Variants in ZNF407 observed in about 807,000 individuals in gnomAD.
ZNF407 encodes the protein zinc finger protein 407.
ZNF407 carries 17 observed loss-of-function variants against 131.2 expected under a neutral mutation model. That is an observed-to-expected ratio of 0.13 (90% CI 0.09 to 0.19). ZNF407 has a LOEUF of 0.19. ZNF407 is among the 10% of genes least tolerant of loss of function. ZNF407 has a pLI of 1.00. For missense variants in ZNF407, 2,681 were observed against 2,830.6 expected (o/e 0.95, Z 1.20); for synonymous variants, 1,156 against 1,062.0 (o/e 1.09, Z -1.72).
intron 3 of ZNF407, among the ~76,000 whole-genome samples, chr18:74,675,677 T>G (rs1986325953): frequency 6.6e-6 from 1 of 152,230 alleles, no homozygotes; most frequent in Admixed American, 6.5e-5. Context: ...CGCTGTTAGC[T>G]TTGAAGTTAT....
chr18:74,968,863 T>C (rs1259365712), intron 8 of ZNF407, among the ~76,000 whole-genome samples: 1 of 152,196 alleles, frequency 6.6e-6, no homozygotes, highest in Non-Finnish European at 1.5e-5. Flanking sequence ...CTTTTTTTGG[T>C]GCAGCCCCTC....
At chr18:74,738,351 C>T (rs570702166) in intron 3 of ZNF407, among the ~76,000 whole-genome samples, 12 of 133,228 alleles carry the variant, frequency 9.0e-5, no homozygotes, top group Admixed American at 2.6e-4. Context: ...ACCCGGGAGG[C>T]GGAGGCTGCA....
At chr18:75,062,800 G>A (rs898300631) in intron 8 of ZNF407, 3 of 194,482 alleles carry the variant, frequency 1.5e-5, no homozygotes, top group African/African-American at 4.7e-5. Flanking sequence ...GTGACGGAAC[G>A]CATTGTTACA....
intron 8 of ZNF407, among the ~76,000 whole-genome samples, chr18:75,014,288 G>T: frequency 6.6e-6 from 1 of 151,740 alleles, no homozygotes; most frequent in Non-Finnish European, 1.5e-5. Flanking sequence ...TTTTTTATGG[G>T]GTTTGGTGTT....
chr18:74,892,408 G>A (rs1971397689), intron 7 of ZNF407, among the ~76,000 whole-genome samples: 1 of 152,152 alleles, frequency 6.6e-6, no homozygotes, highest in Non-Finnish European at 1.5e-5. Flanking sequence ...GTAAATATTA[G>A]GTGAGAAGCA....
chr18:74,854,140 C>T (rs1970827180), intron 4 of ZNF407, among the ~76,000 whole-genome samples: 1 of 152,114 alleles, frequency 6.6e-6, no homozygotes, highest in Admixed American at 6.5e-5. Flanking sequence ...AGTATCCACC[C>T]CTGGGGACAG....
At chr18:74,906,780 T>C (rs542000965) in intron 7 of ZNF407, among the ~76,000 whole-genome samples, 8 of 146,528 alleles carry the variant, frequency 5.5e-5, no homozygotes, top group African/African-American at 1.7e-4. Context: ...TGTGTATATA[T>C]TTTATATGTG....
chr18:74,949,571 G>C (rs939111515), intron 8 of ZNF407, among the ~76,000 whole-genome samples: 14 of 152,174 alleles, frequency 9.2e-5, no homozygotes, highest in African/African-American at 2.7e-4. Context: ...ATCCCTGTTA[G>C]TAAAATATCA....
intron 3 of ZNF407, among the ~76,000 whole-genome samples, chr18:74,745,395 A>AT (rs1968645380): frequency 6.6e-6 from 1 of 152,024 alleles, no homozygotes; most frequent in Admixed American, 6.5e-5. Flanking sequence ...AATATTCTCA[A>AT]TCTCACCTGA....
At chr18:74,864,234 C>T (rs1360550556) in intron 4 of ZNF407, among the ~76,000 whole-genome samples, 1 of 152,136 alleles carries the variant, frequency 6.6e-6, no homozygotes, top group Non-Finnish European at 1.5e-5. Flanking sequence ...TGGTAACATG[C>T]CTTCAGAAGT....
intron 8 of ZNF407, among the ~76,000 whole-genome samples, chr18:74,948,952 A>G (rs1972184257): frequency 6.6e-6 from 1 of 152,208 alleles, no homozygotes; most frequent in African/African-American, 2.4e-5. Context: ...TAGACAGCAC[A>G]CTAGTGTGTA....
rs187001584 is a variant in ZNF407 at position 74,844,719 on chromosome 18, C to T, written c.4878-32478C>T. 2.1e-3 allele frequency among the ~76,000 whole-genome samples: 324 copies of T among 152,018 alleles called. 1 individual carries two copies. The highest frequency in any genetic ancestry group is 3.3e-3 in the Non-Finnish European group (224 of 67,986). On this transcript the variant is annotated intron_variant, in intron 4 of 8. Transcript: ENST00000299687. ...TGCAGAATTATATATTTAGAGTCAT[C>T]AAAACGGGGAAACACCATGAGAAAA...
At chr18:74,941,544 T>C (rs954561075) in intron 8 of ZNF407, among the ~76,000 whole-genome samples, 1 of 152,186 alleles carries the variant, frequency 6.6e-6, no homozygotes. Flanking sequence ...TGTACTATAA[T>C]GGGTTGCTAA....
intron 7 of ZNF407, among the ~76,000 whole-genome samples, chr18:74,915,086 C>A (rs1971728989): frequency 6.6e-6 from 1 of 152,076 alleles, no homozygotes; most frequent in South Asian, 2.1e-4. Context: ...TAGGGAAACA[C>A]CAAGATACAT....
At position 74,786,793 on chromosome 18, in the gene ZNF407, GT is replaced by G. The variant is rs869103622; in HGVS notation, c.4877+5319del. Among the ~76,000 whole-genome samples the G allele has an allele frequency of 6.3e-3, 560 of 89,116 alleles. 1 individual carries two copies. The highest frequency in any genetic ancestry group is 0.019 in the African/African-American group (426 of 22,216). The allele number at this position is 89,116 out of a possible 152,430, so 58.5% of individuals were successfully genotyped here. A position where few individuals can be genotyped will look rare whatever the true frequency, so the allele number is the denominator to read the frequency against. ...AATTGGTTTTAATGTAAAAAAGTAT[GT>G]TTTTTTTTTTTTTTTTTTTTTTTTT... On this transcript the variant is annotated intron_variant, in intron 4 of 8. Coordinates refer to ENST00000299687, the MANE Select transcript of ZNF407 (RefSeq NM_017757.3).
intron 7 of ZNF407, among the ~76,000 whole-genome samples, chr18:74,890,318 T>C (rs1246291237): frequency 2.0e-5 from 3 of 152,216 alleles, no homozygotes; most frequent in Non-Finnish European, 4.4e-5. Context: ...CCAGGTGGTC[T>C]ATGTGTTACA....
At chr18:74,745,726 C>T (rs1032471499) in intron 3 of ZNF407, among the ~76,000 whole-genome samples, 3 of 152,104 alleles carry the variant, frequency 2.0e-5, no homozygotes, top group Non-Finnish European at 4.4e-5. Flanking sequence ...TGTATAAGTA[C>T]GCATTTAGAG....
At chr18:74,762,041 C>T (rs954436832) in intron 3 of ZNF407, among the ~76,000 whole-genome samples, 1 of 152,086 alleles carries the variant, frequency 6.6e-6, no homozygotes, top group African/African-American at 2.4e-5. Flanking sequence ...CAGTCAGTCT[C>T]TCTCTCTCTC....
intron 4 of ZNF407, among the ~76,000 whole-genome samples, chr18:74,830,247 A>G (rs1463993569): frequency 6.6e-6 from 1 of 152,066 alleles, no homozygotes; most frequent in Non-Finnish European, 1.5e-5. Context: ...TAGCACACTA[A>G]TGTACACCCA....
Sources: allele counts gnomAD v4.1 joint callset (sites outside exome capture counted in the v4.1 genomes callset), GRCh38; gene constraint gnomAD v4.1.1; transcripts MANE v1.5; gene names NCBI Gene and HGNC (gene_info 2026-07-23, HGNC 2026-07-21).